The following PDE3A variants were observed in gnomAD, a reference collection of about 807,000 sequenced individuals.
The protein encoded by PDE3A is phosphodiesterase 3A, also known as cGMP-inhibited 3',5'-cyclic phosphodiesterase 3A.
PDE3A carries 43 observed loss-of-function variants against 98.3 expected under a neutral mutation model. The ratio of observed to expected loss-of-function variants is 0.44; its 90% CI spans 0.34 to 0.56. The LOEUF is 0.56. PDE3A is among the 20% of genes least tolerant of loss of function. The pLI is 0.01. For synonymous variants in PDE3A, 663 were observed against 567.9 expected, an observed-to-expected ratio of 1.17 and a Z score of -2.38; for missense variants, 1,427 against 1,440.7, an observed-to-expected ratio of 0.99 and a Z score of 0.15.
At chr12:20,677,929 A>T (rs1945683184) in intron 15 of PDE3A, among the ~76,000 whole-genome samples, 1 of 151,170 alleles carries the variant, frequency 6.6e-6, no homozygotes, top group African/African-American at 2.5e-5. Context: ...TTATTAGTGG[A>T]AGCCTGTTGT....
Position 20,684,083 on chromosome 12 carries a change from T to A in PDE3A, c.*3812T>A, listed in dbSNP as rs993683345. 6.6e-6 allele frequency: 1 copy of A among 152,160 alleles called. No individual in the cohort carries two copies. Among genetic ancestry groups the A allele is most frequent in the African/African-American group, 2.4e-5 (1 of 41,452 alleles). 9.4% of individuals were successfully genotyped at this position (152,160 alleles called of 1,614,324 possible). On this transcript the variant is annotated 3_prime_UTR_variant, in exon 16 of 16. Coordinates refer to ENST00000359062, the MANE Select transcript of PDE3A (RefSeq NM_000921.5). ...ATAAAAATTATCATTATAAATAAAG[T>A]CTAAAGTTTGAAATTATTAATTTAT...
At chr12:20,491,910 T>G (rs1945832064) in intron 1 of PDE3A, among the ~76,000 whole-genome samples, 1 of 152,200 alleles carries the variant, frequency 6.6e-6, no homozygotes, top group African/African-American at 2.4e-5. Context: ...GTTGTAGAAC[T>G]ATAAAATATA....
chr12:20,387,544 C>T (rs1034304376), intron 1 of PDE3A, among the ~76,000 whole-genome samples: 5 of 151,940 alleles, frequency 3.3e-5, no homozygotes, highest in Admixed American at 3.3e-4. Context: ...AATAGTCTGA[C>T]AAATCCCAAT....
intron 2 of PDE3A, among the ~76,000 whole-genome samples, chr12:20,598,166 CT>C (rs947551408): frequency 6.6e-6 from 1 of 150,384 alleles, no homozygotes; most frequent in Non-Finnish European, 1.5e-5. Context: ...ACTTTTATTT[CT>C]TTTTTTAATT....
intron 1 of PDE3A, among the ~76,000 whole-genome samples, chr12:20,542,710 G>C (rs1301511812): frequency 6.6e-6 from 1 of 151,912 alleles, no homozygotes; most frequent in Non-Finnish European, 1.5e-5. Flanking sequence ...ATGCAGCTGA[G>C]GCTATGTCTG....
At chr12:20,649,178 G>T (rs767155607) in intron 13 of PDE3A, among the ~76,000 whole-genome samples, 2 of 151,718 alleles carry the variant, frequency 1.3e-5, no homozygotes, top group East Asian at 3.9e-4. Context: ...TGATCCACCC[G>T]CCTCGGCCTC....
chr12:20,434,629 A>G (rs1944751841), intron 1 of PDE3A, among the ~76,000 whole-genome samples: 1 of 152,140 alleles, frequency 6.6e-6, no homozygotes, highest in Non-Finnish European at 1.5e-5. Flanking sequence ...TATGACATGT[A>G]AGAAGGGGAA....
intron 15 of PDE3A, among the ~76,000 whole-genome samples, chr12:20,655,418 T>G (rs998500475): frequency 6.6e-6 from 1 of 152,056 alleles, no homozygotes; most frequent in Admixed American, 6.6e-5. Context: ...AGAACTGGGA[T>G]AGCTGGAGCA....
At chr12:20,511,295 ACCTTT>A (rs1394157746) in intron 1 of PDE3A, among the ~76,000 whole-genome samples, 1 of 152,024 alleles carries the variant, frequency 6.6e-6, no homozygotes. Context: ...GATTTCTAAT[ACCTTT>A]GCAAATTGAA....
intron 5 of PDE3A, among the ~76,000 whole-genome samples, chr12:20,622,346 C>G (rs4533093): frequency 0.32 from 48,741 of 151,914 alleles, 7,902 homozygotes; most frequent in Admixed American, 0.38. Flanking sequence ...GCTATGAAGG[C>G]AAGAACAATT....
intron 2 of PDE3A, among the ~76,000 whole-genome samples, chr12:20,601,834 A>C: frequency 6.6e-6 from 1 of 152,032 alleles, no homozygotes; most frequent in East Asian, 1.9e-4. Context: ...ACTTGTTTTA[A>C]AAGAGATGGT....
intron 1 of PDE3A, chr12:20,553,051 G>T (rs1344594310): frequency 1.6e-6 from 2 of 1,260,792 alleles, no homozygotes; most frequent in East Asian, 5.1e-5. Flanking sequence ...CTGAAAACGT[G>T]TCGGAGGGCT....
chr12:20,648,019 T>A lies in PDE3A; in HGVS notation c.2566-669T>A, dbSNP rs933498466. 1.3e-4 allele frequency among the ~76,000 whole-genome samples: 19 copies of A among 151,060 alleles called. 1 individual carries two copies. In the East Asian group the frequency reaches 2.9e-3, roughly 23 times the overall value. On this transcript the variant is annotated intron_variant, in intron 12 of 15. Coordinates refer to ENST00000359062, the MANE Select transcript of PDE3A (RefSeq NM_000921.5). ...GCATTTTGTAGGCAGCTTCCCTTTT[T>A]AAAAAAAAATTCTCTAATAAAACTT... is the stretch of plus-strand genomic sequence containing the variant.
intron 2 of PDE3A, among the ~76,000 whole-genome samples, chr12:20,558,312 G>T (rs1156702024): frequency 2.6e-5 from 4 of 151,644 alleles, no homozygotes; most frequent in African/African-American, 9.7e-5. Context: ...GAAAATGTGA[G>T]AATTCCACAT....
rs1046364759 is a variant in PDE3A, at chr12:20,683,544, T to A, written c.*3273T>A. The A allele has an allele frequency of 5.3e-5, 8 of 152,302 alleles. No homozygotes were observed. Among genetic ancestry groups the A allele is most frequent in the African/African-American group, 1.9e-4 (8 of 41,582 alleles). The allele number at this position is 152,302 out of a possible 1,614,324, so 9.4% of individuals were successfully genotyped here. A position where few individuals can be genotyped will look rare whatever the true frequency, so the allele number is the denominator to read the frequency against. The stretch of plus-strand genomic sequence containing the variant: ...GTCATCAGTGTTATTTTCAGCATGC[T>A]AATAAATGTCTTTCCGGTTATATAT... On this transcript the variant is annotated 3_prime_UTR_variant, in exon 16 of 16. Transcript: ENST00000359062.
intron 1 of PDE3A, among the ~76,000 whole-genome samples, chr12:20,495,253 A>C (rs112375524): frequency 0.022 from 3,389 of 151,652 alleles, 68 homozygotes; most frequent in Non-Finnish European, 0.034. Flanking sequence ...CTGTTCATCT[A>C]GTTGTCTGGG....
intron 14 of PDE3A, among the ~76,000 whole-genome samples, chr12:20,651,850 G>C (rs1479067808): frequency 6.6e-6 from 1 of 152,152 alleles, no homozygotes; most frequent in African/African-American, 2.4e-5. Flanking sequence ...CATGTGCCCT[G>C]TTGGTGTGCT....
intron 1 of PDE3A, among the ~76,000 whole-genome samples, chr12:20,386,833 A>G (rs1251892671): frequency 6.6e-6 from 1 of 152,084 alleles, no homozygotes; most frequent in Non-Finnish European, 1.5e-5. Flanking sequence ...TGTTTTTGTC[A>G]TGAAATCTTT....
chr12:20,541,075 C>CTTT lies in PDE3A; in HGVS notation c.961-15548_961-15546dup, dbSNP rs777927679. 9.4e-5 allele frequency among the ~76,000 whole-genome samples: 5 copies of CTTT among 52,986 alleles called. 2 individuals carry two copies. Among genetic ancestry groups the CTTT allele is most frequent in the African/African-American group, 3.4e-4 (5 of 14,706 alleles). The allele number at this position is 52,986 out of a possible 152,430, so 34.8% of individuals were successfully genotyped here. A position where few individuals can be genotyped will look rare whatever the true frequency, so the allele number is the denominator to read the frequency against. ...AATTGACAAGGACATTGGTAACTTT[C>CTTT]TTTTTTTTTTTTTTTTTTTTTTTTT... On this transcript the variant is annotated intron_variant, in intron 1 of 15. Transcript: ENST00000359062.
Sources: gnomAD v4.1 joint callset for allele counts (sites outside exome capture counted in the v4.1 genomes callset) on GRCh38, gnomAD v4.1.1 for gene constraint, MANE v1.5 for transcripts, NCBI Gene and HGNC (gene_info 2026-07-23, HGNC 2026-07-21) for gene names.